The following PCSK2 variants were observed in gnomAD, a reference collection of about 807,000 sequenced individuals.
The protein encoded by PCSK2 is proprotein convertase subtilisin/kexin type 2, also known as neuroendocrine convertase 2.
PCSK2 carries 14 observed loss-of-function variants against 69.7 expected under a neutral mutation model. That is an observed-to-expected ratio of 0.20 (90% CI 0.13 to 0.31). The LOEUF (loss-of-function observed/expected upper bound fraction) is 0.31, where lower values mean the gene tolerates loss of function less well. Among genes scored for constraint, PCSK2 ranks in the 10% least tolerant of loss-of-function variants. PCSK2 has a pLI of 1.00. For synonymous variants in PCSK2, 307 were observed against 320.7 expected (o/e 0.96, Z 0.46); for missense variants, 544 against 842.5 (o/e 0.65, Z 4.39).
chr20:17,384,954 T>C (rs1459816328), intron 5 of PCSK2, among the ~76,000 whole-genome samples: 1 of 152,186 alleles, frequency 6.6e-6, no homozygotes, highest in Non-Finnish European at 1.5e-5. Flanking sequence ...GTATTTCTCT[T>C]AAATGCAAAG....
intron 5 of PCSK2, among the ~76,000 whole-genome samples, chr20:17,403,434 T>C (rs1347021435): frequency 6.6e-6 from 1 of 152,224 alleles, no homozygotes; most frequent in East Asian, 1.9e-4. Flanking sequence ...GCCGTGGCCA[T>C]ATTAGACGCA....
At chr20:17,338,982 G>C (rs1990433824) in intron 2 of PCSK2, among the ~76,000 whole-genome samples, 2 of 152,216 alleles carry the variant, frequency 1.3e-5, no homozygotes, top group Non-Finnish European at 2.9e-5. Context: ...TGTTTTTGAA[G>C]TGATTTTGTG....
chr20:17,315,088 C>A (rs190331871), intron 2 of PCSK2, among the ~76,000 whole-genome samples: 2 of 152,288 alleles, frequency 1.3e-5, no homozygotes, highest in Admixed American at 1.3e-4. Flanking sequence ...GAAAACCCTG[C>A]GGCTTTCTCT....
chr20:17,316,888 C>T (rs181595547), intron 2 of PCSK2, among the ~76,000 whole-genome samples: 2 of 152,154 alleles, frequency 1.3e-5, no homozygotes, highest in East Asian at 3.9e-4. Context: ...ATTCTCAGGC[C>T]CTATGAAGTG....
chr20:17,282,658 T>A (rs1425903578), intron 2 of PCSK2, among the ~76,000 whole-genome samples: 1 of 106,540 alleles, frequency 9.4e-6, no homozygotes, highest in Non-Finnish European at 2.4e-5. Flanking sequence ...AGGAAAGAGA[T>A]TTTTTTTTTC....
At chr20:17,253,139 T>G (rs1351518041) in intron 1 of PCSK2, among the ~76,000 whole-genome samples, 1 of 152,196 alleles carries the variant, frequency 6.6e-6, no homozygotes, top group Non-Finnish European at 1.5e-5. Context: ...ACAGGAAAAC[T>G]CTCATCTATA....
chr20:17,457,161 G>A (rs2032936981), intron 10 of PCSK2, among the ~76,000 whole-genome samples: 1 of 152,218 alleles, frequency 6.6e-6, no homozygotes, highest in Admixed American at 6.5e-5. Flanking sequence ...TTCACAGAAT[G>A]AACACATGGG....
Position 17,353,419 on chromosome 20 carries a change from C to T in PCSK2, c.283-4908C>T, listed in dbSNP as rs144854844. Among the ~76,000 whole-genome samples, 216 of 145,716 alleles carry T rather than the reference C, an allele frequency of 1.5e-3. 3 individuals carry two copies. In the East Asian group the frequency reaches 0.035, roughly 24 times the overall value. On this transcript the variant is annotated intron_variant, in intron 2 of 11. Coordinates refer to ENST00000262545, the MANE Select transcript of PCSK2 (RefSeq NM_002594.5). ...GGTGGAGGTTGCAGTGAGCCAAGATCATGCCACTGCATTCCAGCCTGGTGA... is the reference window on the plus strand; with the variant it reads ...GGTGGAGGTTGCAGTGAGCCAAGATTATGCCACTGCATTCCAGCCTGGTGA...
rs538161466 is a variant in PCSK2 at position 17,482,907 on chromosome 20, A to T, written c.*837A>T. 23 of 152,354 alleles carry T rather than the reference A, an allele frequency of 1.5e-4. No individual in the cohort carries two copies. Among genetic ancestry groups the T allele is most frequent in the African/African-American group, 5.1e-4 (21 of 41,574 alleles). The allele number at this position is 152,354 out of a possible 1,614,324, so 9.4% of individuals were successfully genotyped here. A position where few individuals can be genotyped will look rare whatever the true frequency, so the allele number is the denominator to read the frequency against. The stretch of plus-strand genomic sequence containing the variant: ...AGCTACCCAAAAGAGAAAAAAAATT[A>T]AGACAAGCCTGGCAACACACCTGGT... On this transcript the variant is annotated 3_prime_UTR_variant, in exon 12 of 12. Transcript: ENST00000262545.
chr20:17,316,212 T>A (rs1989683764), intron 2 of PCSK2, among the ~76,000 whole-genome samples: 1 of 152,210 alleles, frequency 6.6e-6, no homozygotes, highest in Admixed American at 6.5e-5. Flanking sequence ...TCACAGGACA[T>A]GCCTCTCTTT....
intron 5 of PCSK2, among the ~76,000 whole-genome samples, chr20:17,373,101 C>T (rs868279556): frequency 6.6e-6 from 1 of 152,076 alleles, no homozygotes; most frequent in Non-Finnish European, 1.5e-5. Flanking sequence ...GGAGTCTTTG[C>T]TTGGGTTTCC....
chr20:17,460,802 CTGATATATG>C lies in PCSK2; in HGVS notation c.1202+4365_1202+4373del, dbSNP rs1245701469. On this transcript the variant is annotated intron_variant, in intron 10 of 11. Coordinates refer to ENST00000262545, the MANE Select transcript of PCSK2 (RefSeq NM_002594.5). ...ATAGTAATCTAATTTACTTTAACTT[CTGATATATG>C]TGATATATGTTATCATTAATAATAA... Among the ~76,000 whole-genome samples the C allele has an allele frequency of 1.2e-4, 19 of 152,296 alleles. 1 individual carries two copies. Among genetic ancestry groups the C allele is most frequent in the Middle Eastern group, 3.4e-3 (1 of 294 alleles).
At chr20:17,249,406 C>G (rs1471701843) in intron 1 of PCSK2, among the ~76,000 whole-genome samples, 3 of 149,018 alleles carry the variant, frequency 2.0e-5, no homozygotes, top group African/African-American at 7.4e-5. Flanking sequence ...ACTCGGGAGG[C>G]TGAGGCAGGA....
intron 2 of PCSK2, among the ~76,000 whole-genome samples, chr20:17,286,798 G>C (rs1988524132): frequency 6.6e-6 from 1 of 152,220 alleles, no homozygotes; most frequent in Non-Finnish European, 1.5e-5. Context: ...CTCCATCCCA[G>C]TGAAGGGGGT....
At chr20:17,407,899 TA>T (rs1321488130) in intron 5 of PCSK2, among the ~76,000 whole-genome samples, 1 of 152,200 alleles carries the variant, frequency 6.6e-6, no homozygotes, top group Non-Finnish European at 1.5e-5. Flanking sequence ...CCTGCCCAAG[TA>T]CAGCATTTAT....
At chr20:17,311,440 G>A (rs1251539397) in intron 2 of PCSK2, among the ~76,000 whole-genome samples, 1 of 152,068 alleles carries the variant, frequency 6.6e-6, no homozygotes, top group Non-Finnish European at 1.5e-5. Context: ...CAATTAAGGG[G>A]CAGGTGGTGG....
intron 1 of PCSK2, among the ~76,000 whole-genome samples, chr20:17,251,770 G>C (rs897257640): frequency 7.9e-5 from 12 of 152,286 alleles, no homozygotes; most frequent in East Asian, 3.9e-4. Flanking sequence ...TGTAATCCAG[G>C]CAGGGCACAG....
At chr20:17,306,744 A>G (rs182832469) in intron 2 of PCSK2, among the ~76,000 whole-genome samples, 84 of 152,306 alleles carry the variant, frequency 5.5e-4, no homozygotes, top group African/African-American at 1.8e-3. Context: ...TTAACGTCCT[A>G]TGTAAAGAGT....
chr20:17,388,649 C>G (rs1460655992), intron 5 of PCSK2, among the ~76,000 whole-genome samples: 2 of 152,066 alleles, frequency 1.3e-5, no homozygotes, highest in Non-Finnish European at 2.9e-5. Flanking sequence ...CTGAAGGAGT[C>G]TTGTGCACAG....
Sources: allele counts gnomAD v4.1 joint callset (sites outside exome capture counted in the v4.1 genomes callset), GRCh38; gene constraint gnomAD v4.1.1; transcripts MANE v1.5; gene names NCBI Gene and HGNC (gene_info 2026-07-23, HGNC 2026-07-21).